Variants in TARS3 observed in about 807,000 individuals in gnomAD.
The protein encoded by TARS3 is threonine--tRNA ligase 2, cytoplasmic.
Under a neutral mutation model 103.5 loss-of-function variants are expected in TARS3, and 94 were observed. The observed-to-expected ratio is 0.91, with a 90% confidence interval of 0.77 to 1.08. TARS3 has a LOEUF of 1.08. TARS3 is among the 50% of genes least tolerant of loss of function. The pLI is 0.00. For missense variants in TARS3, 952 were observed against 995.2 expected (o/e 0.96, Z 0.58); for synonymous variants, 416 against 355.4 (o/e 1.17, Z -1.92).
chr15:101,722,840 C>G (rs373659239), intron 2 of TARS3, among the ~76,000 whole-genome samples: 1 of 151,112 alleles, frequency 6.6e-6, no homozygotes. Context: ...AAAAAACCAA[C>G]CAAACAAAAA....
intron 16 of TARS3, among the ~76,000 whole-genome samples, chr15:101,660,272 G>C (rs574236993): frequency 5.3e-5 from 8 of 152,318 alleles, no homozygotes; most frequent in African/African-American, 1.9e-4. Flanking sequence ...AAATGGAATG[G>C]GAGGTAGAAA....
intron 3 of TARS3, among the ~76,000 whole-genome samples, chr15:101,718,230 T>C (rs1053362219): frequency 2.0e-5 from 3 of 151,600 alleles, no homozygotes; most frequent in African/African-American, 7.3e-5. Flanking sequence ...TAGCTGGGTG[T>C]GGTGGCGCAT....
chr15:101,723,430 G>T (rs560108030), intron 1 of TARS3, among the ~76,000 whole-genome samples: 3 of 152,172 alleles, frequency 2.0e-5, no homozygotes, highest in African/African-American at 7.2e-5. Context: ...GCTGGAAAAT[G>T]TGTGGTTGCT....
chr15:101,713,009 C>T (rs989364733), intron 4 of TARS3, among the ~76,000 whole-genome samples: 60 of 152,332 alleles, frequency 3.9e-4, no homozygotes, highest in African/African-American at 1.2e-3. Flanking sequence ...CAGCCCAAAT[C>T]TCCCATGTGG....
chr15:101,710,294 A>G (rs1022979995), intron 5 of TARS3, among the ~76,000 whole-genome samples: 7 of 152,158 alleles, frequency 4.6e-5, no homozygotes, highest in African/African-American at 1.7e-4. Flanking sequence ...CCTTTGTAAC[A>G]TCCATTATAA....
rs565314963 is a variant in TARS3, at chr15:101,722,448, A to C, written c.369+645T>G. ...CTCCTACCAAATGTTGATGCTAGAT[A>C]AATACTTACTGATTGTTTTAATGCT... On this transcript the variant is annotated intron_variant, in intron 2 of 18. Coordinates refer to ENST00000335968, the MANE Select transcript of TARS3 (RefSeq NM_152334.3). 4.6e-5 allele frequency among the ~76,000 whole-genome samples: 7 copies of C among 151,626 alleles called. No individual in the cohort carries two copies. The South Asian group carries it at 1.5e-3, about 32-fold the overall frequency.
chr15:101,718,281 T>C (rs770516524), intron 3 of TARS3, among the ~76,000 whole-genome samples: 4 of 151,084 alleles, frequency 2.6e-5, no homozygotes, highest in Admixed American at 6.6e-5. Flanking sequence ...GGCAGGAGAA[T>C]CGCTTGAAAC....
At chr15:101,718,478 C>G (rs143585075) in intron 3 of TARS3, among the ~76,000 whole-genome samples, 108 of 152,144 alleles carry the variant, frequency 7.1e-4, no homozygotes, top group African/African-American at 2.5e-3. Flanking sequence ...TCCCTCTGCC[C>G]GTGTCCTGTA....
intron 5 of TARS3, among the ~76,000 whole-genome samples, chr15:101,710,245 C>T (rs1398554586): frequency 3.9e-5 from 6 of 152,140 alleles, no homozygotes; most frequent in Admixed American, 3.9e-4. Flanking sequence ...TCCCACATAC[C>T]TCACCATAAG....
intron 15 of TARS3, among the ~76,000 whole-genome samples, chr15:101,667,910 T>A (rs1478800651): frequency 6.6e-6 from 1 of 152,186 alleles, no homozygotes; most frequent in African/African-American, 2.4e-5. Flanking sequence ...ATGGTTCTTT[T>A]AACTTCATGA....
intron 16 of TARS3, among the ~76,000 whole-genome samples, chr15:101,661,101 G>GGATGCACCACTCAAAAAGGACCACAA (rs1389205641): frequency 0.48 from 42,637 of 88,756 alleles, 9,350 homozygotes; most frequent in African/African-American, 0.56. Flanking sequence ...AAGGACCACA[G>GGATGCACCACTCAAAAAGGACCACAA]GATGCACCAC....
At chr15:101,722,217 CT>C (rs55694230) in intron 2 of TARS3, among the ~76,000 whole-genome samples, 47,436 of 138,596 alleles carry the variant, frequency 0.34, 9,294 homozygotes, top group Non-Finnish European at 0.46. Context: ...TGGCATCTCC[CT>C]TTTTTTTTTT....
Position 101,724,146 on chromosome 15 carries a change from C to T in TARS3, c.242G>A (p.Arg81His), listed in dbSNP as rs774827791. The T allele has an allele frequency of 2.9e-5, 42 of 1,457,778 alleles. No individual in the cohort carries two copies. The highest frequency in any genetic ancestry group is 3.6e-5 in the Non-Finnish European group (40 of 1,105,832). The allele number at this position is 1,457,778 out of a possible 1,614,324, so 90.3% of individuals were successfully genotyped here. ...CTCCGCGCTCTCCAGCGTGGCCTGG[C>T]GGCTCCGCTCCTCGGCGAGGCACAG... is the stretch of plus-strand genomic sequence containing the variant. ...LRLCLAEERS[R>H]QATLESAELE... Residue 81 changes from arginine to histidine, a missense_variant, in exon 1 of 19, where the codon CGC becomes CAC. Physicochemically the swap from Arg to His is conservative, Grantham distance 29. Around this residue, in one of 2 missense-constraint regions of TARS3, gnomAD observed 412 missense variants for 364.2 expected, o/e 1.13. Coordinates refer to ENST00000335968, the MANE Select transcript of TARS3 (RefSeq NM_152334.3).
At chr15:101,692,935 G>A (rs904243335) in intron 10 of TARS3, among the ~76,000 whole-genome samples, 9 of 152,150 alleles carry the variant, frequency 5.9e-5, no homozygotes, top group Non-Finnish European at 1.0e-4. Context: ...GTTGTGTGAA[G>A]AGGAAGCAAA....
In TARS3 at chr15:101,657,792, G is replaced by A. The variant is rs1410954441; in HGVS notation, c.2138C>T (p.Ala713Val). 1.2e-6 allele frequency: 2 copies of A among 1,606,196 alleles called. No homozygotes were observed. The highest frequency in any genetic ancestry group is 8.5e-7 in the Non-Finnish European group (1 of 1,174,968). ...IPVGPTCEKY[A>V]LQVSSEFFEE... ...AAACACCTCTGATTTTACCTGAAGTGCATATTTTTCACAAGTTGGCCCCAC... is the reference window on the plus strand; with the variant it reads ...AAACACCTCTGATTTTACCTGAAGTACATATTTTTCACAAGTTGGCCCCAC... Residue 713 changes from alanine (A) to valine (V), a missense_variant, in exon 17 of 19, where the codon GCA (alanine) becomes GTA (valine). Around this residue, in one of 2 missense-constraint regions of TARS3, gnomAD observed 540 missense variants for 631.0 expected, o/e 0.86. Coordinates refer to ENST00000335968, the MANE Select transcript of TARS3 (RefSeq NM_152334.3).
At chr15:101,675,240 G>A (rs1897974050) in intron 13 of TARS3, among the ~76,000 whole-genome samples, 1 of 152,134 alleles carries the variant, frequency 6.6e-6, no homozygotes, top group Non-Finnish European at 1.5e-5. Flanking sequence ...GCAGCCCTGG[G>A]ACTCTACAGT....
chr15:101,723,508 G>C (rs1313525482), intron 1 of TARS3, among the ~76,000 whole-genome samples: 1 of 152,148 alleles, frequency 6.6e-6, no homozygotes, highest in African/African-American at 2.4e-5. Context: ...CTTCCTAAAG[G>C]ACTGCAGAAC....
intron 9 of TARS3, 69 bp downstream of exon 9, chr15:101,702,170 T>C: frequency 6.4e-7 from 1 of 1,570,366 alleles, no homozygotes; most frequent in Non-Finnish European, 8.7e-7. Context: ...GCAACTTAGT[T>C]TTGTGAGACA....
intron 3 of TARS3, among the ~76,000 whole-genome samples, 155 bp from the exon 4 acceptor site, chr15:101,715,118 A>G (rs911262058): frequency 6.6e-6 from 1 of 150,420 alleles, no homozygotes. Flanking sequence ...TGCAATATTT[A>G]TTTTATGTAG....
Sources: allele counts gnomAD v4.1 joint callset (sites outside exome capture counted in the v4.1 genomes callset), GRCh38; gene constraint gnomAD v4.1.1; regional missense constraint gnomAD v4.1.1; transcripts MANE v1.5; gene names NCBI Gene and HGNC (gene_info 2026-07-23, HGNC 2026-07-21).